The following ALDH1L2 variants were observed in gnomAD, a reference collection of about 807,000 sequenced individuals.
ALDH1L2 encodes the protein aldehyde dehydrogenase 1 family member L2.
A neutral mutation model predicts 111.0 loss-of-function variants in ALDH1L2; 91 were observed. That is an observed-to-expected ratio of 0.82 (90% confidence interval 0.69 to 0.98). ALDH1L2 has a LOEUF of 0.98. ALDH1L2 is among the 50% of genes least tolerant of loss of function. The pLI is 0.00. For synonymous variants in ALDH1L2, 374 were observed against 392.6 expected (o/e 0.95, Z 0.56); for missense variants, 995 against 1,126.8 (o/e 0.88, Z 1.67).
At chr12:105,047,997 G>A (rs1260933237) in intron 13 of ALDH1L2, 1 of 152,190 alleles carries the variant, frequency 6.6e-6, no homozygotes, top group Non-Finnish European at 1.5e-5. Context: ...CATCAAACGA[G>A]TTTGAACCAA....
chr12:105,084,378 G>C lies in ALDH1L2; in HGVS notation c.48+11C>G. 1 of 1,505,220 alleles carries C rather than the reference G, an allele frequency of 6.6e-7. No individual in the cohort carries two copies. Among genetic ancestry groups the C allele is most frequent in the Admixed American group, 2.2e-5 (1 of 46,378 alleles). 93.2% of individuals were successfully genotyped at this position (1,505,220 alleles called of 1,614,324 possible). A position where few individuals can be genotyped will look rare whatever the true frequency, so the allele number is the denominator to read the frequency against. ...GGTGACAGCCGGGACGCTCGCCCGG[G>C]CCGGACTCACCCGGCCAGTGGAGAA... On this transcript the variant is annotated intron_variant, in intron 1 of 22. Transcript: ENST00000258494.
chr12:105,064,243 A>G (rs1877211894), intron 6 of ALDH1L2, among the ~76,000 whole-genome samples: 2 of 146,138 alleles, frequency 1.4e-5, no homozygotes, highest in South Asian at 4.4e-4. Flanking sequence ...CGGCCTCCCA[A>G]AGTGCTGGGA....
chr12:105,063,959 TATTA>T (rs1877174682), intron 6 of ALDH1L2, among the ~76,000 whole-genome samples: 1 of 139,860 alleles, frequency 7.2e-6, no homozygotes, highest in Non-Finnish European at 1.5e-5. Flanking sequence ...AGTTAACATG[TATTA>T]ATTCTTTTTT....
chr12:105,083,818 C>G (rs1401538868), intron 1 of ALDH1L2, among the ~76,000 whole-genome samples: 4 of 152,134 alleles, frequency 2.6e-5, no homozygotes, highest in African/African-American at 9.7e-5. Context: ...GCCTCTGCAG[C>G]GCCTGGCAAT....
chr12:105,061,291 TCCACG>T (rs1023491246), intron 8 of ALDH1L2, among the ~76,000 whole-genome samples: 8 of 152,166 alleles, frequency 5.3e-5, no homozygotes, highest in Non-Finnish European at 1.0e-4. Context: ...GTAAACCTCC[TCCACG>T]CCATTCTACA....
rs377406312 is a variant in ALDH1L2 at position 105,031,953 on chromosome 12, A to G, written c.2245-19T>C. 58 of 1,611,416 alleles carry G rather than the reference A, an allele frequency of 3.6e-5. No individual in the cohort carries two copies. Among genetic ancestry groups the G allele is most frequent in the African/African-American group, 5.4e-5 (4 of 74,696 alleles). The stretch of plus-strand genomic sequence containing the variant: ...CTTCTACCTGTATGTTACCCAGTCC[A>G]TAAAAACACAATTCACTGTTAATAA... On this transcript the variant is annotated intron_variant, in intron 19 of 22. Transcript: ENST00000258494.
chr12:105,045,965 G>A (rs1390659877), intron 15 of ALDH1L2, among the ~76,000 whole-genome samples: 1 of 151,644 alleles, frequency 6.6e-6, no homozygotes, highest in Non-Finnish European at 1.5e-5. Context: ...ACTTTATATA[G>A]TAAAAGCTCA....
chr12:105,078,374 G>A (rs574798148), intron 1 of ALDH1L2, among the ~76,000 whole-genome samples: 11 of 152,144 alleles, frequency 7.2e-5, no homozygotes, highest in African/African-American at 4.8e-5. Flanking sequence ...CAGGAGGATC[G>A]CTTGAACCCG....
chr12:105,071,466 A>G (rs1014263459), intron 2 of ALDH1L2, among the ~76,000 whole-genome samples: 5 of 151,596 alleles, frequency 3.3e-5, no homozygotes, highest in Non-Finnish European at 5.9e-5. Context: ...AAATGGCTCC[A>G]TCCTAATGCC....
intron 1 of ALDH1L2, among the ~76,000 whole-genome samples, chr12:105,081,255 T>C (rs1343009520): frequency 1.3e-5 from 2 of 152,206 alleles, no homozygotes; most frequent in Non-Finnish European, 2.9e-5. Context: ...TCTATTAATA[T>C]TATATCCTCA....
At chr12:105,066,425 T>C in intron 5 of ALDH1L2, 143 bp downstream of exon 5, 1 of 672,442 alleles carries the variant, frequency 1.5e-6, no homozygotes, top group Non-Finnish European at 2.6e-6. Flanking sequence ...CTCTCCTGCG[T>C]ATGTCTGGCT....
chr12:105,027,145 G>T (rs901963352), intron 21 of ALDH1L2, among the ~76,000 whole-genome samples: 4 of 152,236 alleles, frequency 2.6e-5, no homozygotes, highest in Non-Finnish European at 5.9e-5. Context: ...AAAGTGTTGG[G>T]ATTACAGGTG....
In ALDH1L2 at chr12:105,073,925, T is replaced by A; in HGVS notation, c.129A>T (p.Lys43Asn). The change falls in exon 2 of 23, where the codon AAA becomes AAT. Residue 43 changes from lysine to asparagine, a missense_variant. By Grantham distance (94) the Lys-to-Asn change is moderately conservative (BLOSUM62 0). Coordinates refer to ENST00000258494, the MANE Select transcript of ALDH1L2 (RefSeq NM_001034173.4). ...ACACCCCTACTACTCGGTGGCCCTC[T>A]TTGCGGAGGTGGCTATAGACTTCTT... ...FGQEVYSHLR[K>N]EGHRVVGVFT... The A allele has an allele frequency of 6.2e-7, 1 of 1,614,162 alleles. No individual in the cohort carries two copies. Among genetic ancestry groups the A allele is most frequent in the South Asian group, 1.1e-5 (1 of 91,080 alleles).
chr12:105,052,839 G>GT lies in ALDH1L2; in HGVS notation c.1379dup (p.Tyr460Ter). 1 of 1,614,114 alleles carries GT rather than the reference G, an allele frequency of 6.2e-7. No homozygotes were observed. The highest frequency in any genetic ancestry group is 8.5e-7 in the Non-Finnish European group (1 of 1,179,980). ...QFTDADDGKT[Y>*]DTINPTDGST... ...ATCCATCTGTTGGGTTGATAGTGTC[G>GT]TAAGTCTTTCCATCGTCTGCATCTG... Residue 460 changes from tyrosine (Y) to a stop codon, truncating the protein, a stop_gained and frameshift_variant, in exon 11 of 23, where the codon TAC becomes TAAC. Transcript: ENST00000258494. LOFTEE classifies it high-confidence loss of function.
intron 4 of ALDH1L2, 93 bp downstream of exon 4, chr12:105,068,626 G>T (rs1057177869): frequency 8.3e-7 from 1 of 1,198,862 alleles, no homozygotes; most frequent in Non-Finnish European, 1.1e-6. Flanking sequence ...TATATTTTTG[G>T]TGAAAATTCA....
chr12:105,058,027 T>C, intron 10 of ALDH1L2, 46 bp downstream of exon 10: 1 of 1,588,148 alleles, frequency 6.3e-7, no homozygotes, highest in South Asian at 1.2e-5. Flanking sequence ...TTTTATAGTG[T>C]ATGGATCTCA....
intron 7 of ALDH1L2, 73 bp downstream of exon 7, chr12:105,062,815 T>C (rs1199222492): frequency 1.3e-6 from 2 of 1,537,956 alleles, no homozygotes; most frequent in South Asian, 1.3e-5. Flanking sequence ...GAGTGAAAGC[T>C]ATTCCCTTAA....
chr12:105,071,562 A>G (rs1369255082), intron 2 of ALDH1L2, among the ~76,000 whole-genome samples: 1 of 134,658 alleles, frequency 7.4e-6, no homozygotes, highest in Non-Finnish European at 1.5e-5. Context: ...TGTGTGCCTT[A>G]TATCTTAAGT....
At chr12:105,049,872 C>G in intron 13 of ALDH1L2, 36 bp downstream of exon 13, 1 of 1,584,368 alleles carries the variant, frequency 6.3e-7, no homozygotes, top group Non-Finnish European at 8.6e-7. Flanking sequence ...AATGTTAGTC[C>G]CTTTTTCTTT....
Sources: gnomAD v4.1 joint callset for allele counts (sites outside exome capture counted in the v4.1 genomes callset) on GRCh38, gnomAD v4.1.1 for gene constraint, MANE v1.5 for transcripts, NCBI Gene and HGNC (gene_info 2026-07-23, HGNC 2026-07-21) for gene names.